SGTA: variants seen among roughly 807,000 people sequenced by gnomAD.
SGTA encodes the protein small glutamine-rich tetratricopeptide repeat-containing protein alpha.
In SGTA, 22 loss-of-function variants were observed where a neutral mutation model predicts 44.3. The ratio of observed to expected loss-of-function variants is 0.50; its 90% CI spans 0.36 to 0.71. The LOEUF is 0.71. Ranked by LOEUF, SGTA falls within the 30% of genes least tolerant of loss-of-function variation. SGTA has a pLI of 0.00. For missense variants in SGTA, 341 were observed against 435.9 expected, an observed-to-expected ratio of 0.78 and a Z score of 1.94; for synonymous variants, 174 against 177.6, an observed-to-expected ratio of 0.98 and a Z score of 0.16.
In SGTA at chr19:2,767,186, G is replaced by A. The variant is rs1915168348; in HGVS notation, c.242C>T (p.Thr81Ile). The A allele has an allele frequency of 9.9e-6, 16 of 1,612,650 alleles. No individual in the cohort carries two copies. Among genetic ancestry groups the A allele is most frequent in the Non-Finnish European group, 1.2e-5 (14 of 1,179,574 alleles). Residue 81 changes from threonine to isoleucine, a missense_variant, in exon 4 of 12, where the codon ACC (threonine) becomes ATC (isoleucine). By Grantham distance (89) the Thr-to-Ile change is moderately conservative. Transcript: ENST00000221566. This position sits in a 1 kb window ranked among gnomAD's most constrained non-coding sequence, Gnocchi z 7.3. ...MPQDLRSPARTPPSEEDSAEA... is the reference protein window; with the variant it reads ...MPQDLRSPARIPPSEEDSAEA... ...TGCTGAGTCCTCCTCGGAAGGCGGGGTTCGCGCGGGGCTCCTCAGGTCCTG... is the reference window on the plus strand; with the variant it reads ...TGCTGAGTCCTCCTCGGAAGGCGGGATTCGCGCGGGGCTCCTCAGGTCCTG...
intron 9 of SGTA, 99 bp downstream of exon 9, chr19:2,759,158 G>T: frequency 9.3e-7 from 1 of 1,078,322 alleles, no homozygotes; most frequent in Non-Finnish European, 1.4e-6. Context: ...CCATTAAGTT[G>T]CACACTTTAA....
chr19:2,763,759 TG>T lies in SGTA; in HGVS notation c.393-3del. 1 of 1,612,706 alleles carries T rather than the reference TG, an allele frequency of 6.2e-7. No individual in the cohort carries two copies. ...CCGAGTTTGCTGTAGGCTGCGGCTC[TG>T]GGGAAGAAAAGGCAGGGCAGGTCCC... On this transcript the variant is annotated splice_polypyrimidine_tract_variant and splice_region_variant and intron_variant, in intron 5 of 11. Coordinates refer to ENST00000221566, the MANE Select transcript of SGTA (RefSeq NM_003021.4). The surrounding 1 kb of genome is among the most constrained non-coding windows in gnomAD (Gnocchi z 5.8).
intron 1 of SGTA, among the ~76,000 whole-genome samples, chr19:2,775,827 C>T (rs1274957334): frequency 1.3e-5 from 2 of 152,170 alleles, no homozygotes; most frequent in Non-Finnish European, 2.9e-5. Flanking sequence ...GTGGGGATCA[C>T]AGCGGTGTGG....
Position 2,774,815 on chromosome 19 carries a change from G to A in SGTA, c.-23-5724C>T, listed in dbSNP as rs530442330. On this transcript the variant is annotated intron_variant, in intron 1 of 11. Coordinates refer to ENST00000221566, the MANE Select transcript of SGTA (RefSeq NM_003021.4). ...GAGGCAAATGCTGAGGAAAGCCGTG[G>A]ATTCTACTGACCCACTGGATTTTGC... 5.3e-5 allele frequency among the ~76,000 whole-genome samples: 8 copies of A among 152,316 alleles called. No homozygotes were observed. The South Asian group carries it at 1.7e-3, about 32-fold the overall frequency.
rs568682148 is a variant in SGTA at position 2,776,176 on chromosome 19, A to G, written c.-24+7057T>C. On this transcript the variant is annotated intron_variant, in intron 1 of 11. Coordinates refer to ENST00000221566, the MANE Select transcript of SGTA (RefSeq NM_003021.4). ...AAACCAGTCAGGTCTCCTGACCCCC[A>G]AGCCCAAGGAAAACAGACACATGCC... Among the ~76,000 whole-genome samples the G allele has an allele frequency of 5.5e-4, 84 of 152,340 alleles. 1 individual carries two copies. Among genetic ancestry groups the G allele is most frequent in the African/African-American group, 1.9e-3 (79 of 41,580 alleles).
chr19:2,779,423 A>G (rs79528039), intron 1 of SGTA, among the ~76,000 whole-genome samples: 4,720 of 152,232 alleles, frequency 0.031, 114 homozygotes, highest in Non-Finnish European at 0.047. Context: ...TTCCCGTAAG[A>G]AAGTTTTCTG....
At chr19:2,764,637 A>G (rs1040110446) in intron 5 of SGTA, among the ~76,000 whole-genome samples, 4 of 152,074 alleles carry the variant, frequency 2.6e-5, no homozygotes, top group African/African-American at 7.3e-5. Context: ...CAGTGGCGCA[A>G]TCTTGGCTCA....
At chr19:2,757,929 C>T in intron 9 of SGTA, 147 bp from the exon 10 acceptor site, 1 of 539,612 alleles carries the variant, frequency 1.9e-6, no homozygotes, top group Non-Finnish European at 3.2e-6. Flanking sequence ...TGGTGGGCCT[C>T]CAGGGCCCAA....
chr19:2,765,042 G>A lies in SGTA; in HGVS notation c.392+144C>T. The A allele has an allele frequency of 1.6e-6, 1 of 624,318 alleles. No homozygotes were observed. The highest frequency in any genetic ancestry group is 2.9e-6 in the Non-Finnish European group (1 of 349,622). 38.7% of individuals were successfully genotyped at this position (624,318 alleles called of 1,614,324 possible). A position where few individuals can be genotyped will look rare whatever the true frequency, so the allele number is the denominator to read the frequency against. On this transcript the variant is annotated intron_variant, in intron 5 of 11. Coordinates refer to ENST00000221566, the MANE Select transcript of SGTA (RefSeq NM_003021.4). This position sits in a 1 kb window ranked among gnomAD's most constrained non-coding sequence, Gnocchi z 5.5. Reference sequence around the variant, plus strand: ...CCGACCCCGTTGCTGGTCACCTGATGCTCGCTCCTGGTCTGAGACCACCGG... The same window carrying A: ...CCGACCCCGTTGCTGGTCACCTGATACTCGCTCCTGGTCTGAGACCACCGG...
intron 1 of SGTA, among the ~76,000 whole-genome samples, chr19:2,780,255 GC>G (rs1230984684): frequency 6.6e-6 from 1 of 152,114 alleles, no homozygotes; most frequent in Non-Finnish European, 1.5e-5. Context: ...TGAACACTCT[GC>G]CCAACTCCAT....
rs922491638 is a variant in SGTA, at chr19:2,761,571, G to A, written c.637-49C>T. On this transcript the variant is annotated intron_variant, in intron 7 of 11. Coordinates refer to ENST00000221566, the MANE Select transcript of SGTA (RefSeq NM_003021.4). This position sits in a 1 kb window ranked among gnomAD's most constrained non-coding sequence, Gnocchi z 5.7. ...TAGTGGGGCCTGGACCAGAGGCCAC[G>A]GTGAATAACCCCCTGGAACTCAGAA... The A allele has an allele frequency of 2.2e-5, 32 of 1,428,518 alleles. No homozygotes were observed. The highest frequency in any genetic ancestry group is 3.7e-5 in the South Asian group (3 of 81,768). 88.5% of individuals were successfully genotyped at this position (1,428,518 alleles called of 1,614,324 possible). A position where few individuals can be genotyped will look rare whatever the true frequency, so the allele number is the denominator to read the frequency against.
rs953688412 is a variant in SGTA at position 2,755,549 on chromosome 19, C to T, written c.*391G>A. 23 of 985,520 alleles carry T rather than the reference C, an allele frequency of 2.3e-5. No homozygotes were observed. Among genetic ancestry groups the T allele is most frequent in the African/African-American group, 2.3e-4 (13 of 57,246 alleles). 61.0% of individuals were successfully genotyped at this position (985,520 alleles called of 1,614,324 possible). A position where few individuals can be genotyped will look rare whatever the true frequency, so the allele number is the denominator to read the frequency against. ...TGCAGACAGACCACGGGATGGGGGG[C>T]GGGGGCTGTAAAAGGCTTTGGAAGC... On this transcript the variant is annotated 3_prime_UTR_variant, in exon 12 of 12. Transcript: ENST00000221566. This position sits in a 1 kb window ranked among gnomAD's most constrained non-coding sequence, Gnocchi z 5.2.
At chr19:2,774,943 G>C (rs1328438328) in intron 1 of SGTA, among the ~76,000 whole-genome samples, 2 of 152,214 alleles carry the variant, frequency 1.3e-5, no homozygotes, top group Non-Finnish European at 2.9e-5. Context: ...GAGACACTTG[G>C]TGTTGTCTCA....
rs779181992 is a variant in SGTA, at chr19:2,767,612, G to A, written c.175C>T (p.Pro59Ser). 3.1e-6 allele frequency: 5 copies of A among 1,613,486 alleles called. No homozygotes were observed. In the East Asian group the frequency reaches 6.7e-5, roughly 22 times the overall value. The change falls in exon 3 of 12, where the codon CCG becomes TCG. Residue 59 changes from proline to serine, a missense_variant. Pro to Ser is a moderately conservative substitution (Grantham distance 74). Coordinates refer to ENST00000221566, the MANE Select transcript of SGTA (RefSeq NM_003021.4). The surrounding 1 kb of genome is among the most constrained non-coding windows in gnomAD (Gnocchi z 7.3). Reference protein sequence around the residue: ...DSDLALPQTLPEIFEAAATGK... With the variant: ...DSDLALPQTLSEIFEAAATGK... ...GTGGCAGCCGCTTCAAATATCTCCG[G>A]CAGAGTCTGAGGGAGCGCAAGGTCA...
chr19:2,772,891 G>T (rs1210808785), intron 1 of SGTA, among the ~76,000 whole-genome samples: 1 of 93,268 alleles, frequency 1.1e-5, no homozygotes, highest in Non-Finnish European at 1.9e-5. Flanking sequence ...GGCAGAAATG[G>T]GTGACGCGGC....
At chr19:2,756,005 G>A in intron 11 of SGTA, 72 bp from the exon 12 acceptor site, 2 of 884,404 alleles carry the variant, frequency 2.3e-6, no homozygotes, top group Non-Finnish European at 2.7e-6. Flanking sequence ...ACTCCAGGCA[G>A]CAGGAGAGGC....
At position 2,761,779 on chromosome 19, in the gene SGTA, C is replaced by T. The variant is rs895203564; in HGVS notation, c.637-257G>A. ...AGTCTATCATCCCGTGTTTATTCCC[C>T]GCACAGCGCGACCGCCCGGGGACGG... On this transcript the variant is annotated intron_variant, in intron 7 of 11. Transcript: ENST00000221566. This position sits in a 1 kb window ranked among gnomAD's most constrained non-coding sequence, Gnocchi z 5.7. Among the ~76,000 whole-genome samples the T allele has an allele frequency of 1.5e-4, 22 of 142,746 alleles. 1 individual carries two copies. Among genetic ancestry groups the T allele is most frequent in the African/African-American group, 4.7e-4 (18 of 38,022 alleles). 93.6% of individuals were successfully genotyped at this position (142,746 alleles called of 152,430 possible). A position where few individuals can be genotyped will look rare whatever the true frequency, so the allele number is the denominator to read the frequency against.
In SGTA at chr19:2,755,953, A is replaced by G; in HGVS notation, c.*7-20T>C. On this transcript the variant is annotated intron_variant, in intron 11 of 11. Transcript: ENST00000221566. The surrounding 1 kb of genome is among the most constrained non-coding windows in gnomAD (Gnocchi z 5.2). ...GAGCAGCTGGAAGGGGACAGACATG[A>G]AGGCTGTCAGAGCGCAGGTGGGGAC... 3.0e-6 allele frequency: 3 copies of G among 985,708 alleles called. No individual in the cohort carries two copies. The highest frequency in any genetic ancestry group is 3.6e-6 in the Non-Finnish European group (3 of 830,052). The allele number at this position is 985,708 out of a possible 1,614,324, so 61.1% of individuals were successfully genotyped here.
intron 2 of SGTA, 44 bp downstream of exon 2, chr19:2,768,924 TG>T: frequency 6.9e-7 from 1 of 1,442,298 alleles, no homozygotes; most frequent in Non-Finnish European, 9.8e-7. Flanking sequence ...GCGACTGTGC[TG>T]GCCGCTGCCC....
Sources: allele counts gnomAD v4.1 joint callset (sites outside exome capture counted in the v4.1 genomes callset), GRCh38; gene constraint gnomAD v4.1.1; non-coding constraint Gnocchi (gnomAD v3.1); transcripts MANE v1.5; gene names NCBI Gene and HGNC (gene_info 2026-07-23, HGNC 2026-07-21).